PLEC: variants seen among roughly 807,000 people sequenced by gnomAD.
PLEC encodes plectin, also known as hemidesmosomal protein 1.
PLEC carries 216 observed loss-of-function variants against 392.8 expected under a neutral mutation model. The observed-to-expected ratio is 0.55, with a 90% CI of 0.49 to 0.62. PLEC has a LOEUF of 0.62. PLEC is among the 20% of genes least tolerant of loss of function. The pLI is 0.00. For missense variants in PLEC, 6,863 were observed against 6,563.4 expected (o/e 1.05, Z -1.58); for synonymous variants, 3,621 against 2,980.6 (o/e 1.21, Z -7.00).
rs377247699 is a variant in PLEC at position 143,919,096 on chromosome 8, G to A, written c.10725C>T (p.Pro3575=). 108 of 1,612,110 alleles carry A rather than the reference G, an allele frequency of 6.7e-5. No individual in the cohort carries two copies. The highest frequency in any genetic ancestry group is 8.0e-5 in the African/African-American group (6 of 75,048). The part of the protein sequence containing the change: ...RAFEETQIDI[P]GGGSHGGSTM... ...TGGAGCCGCCGTGGCTGCCGCCGCC[G>A]GGAATGTCGATCTGTGTCTCTTCAA... Residue 3575 remains proline (P), a synonymous_variant, in exon 32 of 32, where the codon CCC becomes CCT. Transcript: ENST00000345136.
rs1478314648 is a variant in PLEC, at chr8:143,919,563, G to A, written c.10258C>T (p.Pro3420Ser). The A allele has an allele frequency of 6.2e-7, 1 of 1,606,804 alleles. No homozygotes were observed. Among genetic ancestry groups the A allele is most frequent in the Non-Finnish European group, 8.5e-7 (1 of 1,178,038 alleles). The change falls in exon 32 of 32, where the codon CCC (proline) becomes TCC (serine). Residue 3420 changes from proline (P) to serine (S), a missense_variant. Physicochemically the swap from Pro to Ser is moderately conservative, Grantham distance 74. Coordinates refer to ENST00000345136, the MANE Select transcript of PLEC (RefSeq NM_201384.3). Reference sequence around the variant, plus strand: ...GACAGCAGCTGCTCGTGAAGCTCGGGGCCCACCACGCCCGCCTTCACGGCC... The same window carrying A: ...GACAGCAGCTGCTCGTGAAGCTCGGAGCCCACCACGCCCGCCTTCACGGCC... ...HEAVKAGVVG[P>S]ELHEQLLSAE...
At position 143,925,366 on chromosome 8, in the gene PLEC, C is replaced by T. The variant is rs781934865; in HGVS notation, c.4563G>A (p.Val1521=). 203 of 1,559,602 alleles carry T rather than the reference C, an allele frequency of 1.3e-4. No individual in the cohort carries two copies. The highest frequency in any genetic ancestry group is 1.7e-4 in the Non-Finnish European group (198 of 1,160,138). ...RQAEVELASR[V]KAEAEAAREK... ...CGCGCGCCGCCTCGGCCTCGGCCTTCACGCGCGAGGCCAGCTCCACCTCCG... is the reference window on the plus strand; with the variant it reads ...CGCGCGCCGCCTCGGCCTCGGCCTTTACGCGCGAGGCCAGCTCCACCTCCG... Residue 1521 remains valine, a synonymous_variant, in exon 31 of 32, where the codon GTG becomes GTA. Coordinates refer to ENST00000345136, the MANE Select transcript of PLEC (RefSeq NM_201384.3).
chr8:143,960,423 C>A (rs1469592012), intron 1 of PLEC, among the ~76,000 whole-genome samples: 2 of 151,928 alleles, frequency 1.3e-5, no homozygotes, highest in African/African-American at 2.4e-5. Context: ...TCGAGACCAG[C>A]CTGGCCAACA....
At chr8:143,970,159 T>C (rs1282051842) in intron 1 of PLEC, among the ~76,000 whole-genome samples, 4 of 152,078 alleles carry the variant, frequency 2.6e-5, no homozygotes, top group African/African-American at 4.8e-5. Flanking sequence ...TGCAGGGTGT[T>C]TGCACGGGTG....
upstream of PLEC, among the ~76,000 whole-genome samples, chr8:143,956,988 G>A (rs1445476436): frequency 6.6e-6 from 1 of 152,220 alleles, no homozygotes; most frequent in Non-Finnish European, 1.5e-5. Context: ...CAGGAAGAGA[G>A]GCCACAGGCA....
chr8:143,925,429 C>T lies in PLEC; in HGVS notation c.4500G>A (p.Arg1500=), dbSNP rs1321499198. 3.1e-6 allele frequency: 5 copies of T among 1,595,038 alleles called. No individual in the cohort carries two copies. The South Asian group carries it at 3.3e-5, about 11-fold the overall frequency. ...RQAQEEAERL[R]RQVQDESQRK... ...GCTGGCTCTCGTCCTGCACCTGCCTCCGCAAGCGCTCGGCCTCCTCCTGCG... is the reference window on the plus strand; with the variant it reads ...GCTGGCTCTCGTCCTGCACCTGCCTTCGCAAGCGCTCGGCCTCCTCCTGCG... Residue 1500 remains arginine (R), a synonymous_variant, in exon 31 of 32, where the codon CGG becomes CGA. Transcript: ENST00000345136.
chr8:143,942,328 C>T (rs1830637152), upstream of PLEC: 10 of 1,583,564 alleles, frequency 6.3e-6, no homozygotes, highest in East Asian at 2.3e-5. Context: ...AGCAGAGACC[C>T]AGCCCCACTA....
rs184102912 is a variant in PLEC, at chr8:143,923,416, C to T, written c.6513G>A (p.Lys2171=). 6.1e-4 allele frequency: 977 copies of T among 1,610,752 alleles called. 8 individuals carry two copies. In the African/African-American group the frequency reaches 0.011, roughly 19 times the overall value. The change falls in exon 31 of 32, where the codon AAG becomes AAA. Residue 2171 remains lysine, a synonymous_variant. Transcript: ENST00000345136. ...QAADAEMEKH[K]KFAEQTLRQK... is the part of the protein sequence containing the mutation. ...GCCGCAGCGTCTGCTCGGCGAATTT[C>T]TTATGCTTCTCCATCTCCGCGTCAG...
At position 143,931,606 on chromosome 8, in the gene PLEC, T is replaced by C. The variant is rs1281567238; in HGVS notation, c.2232A>G (p.Ala744=). 20 of 1,600,696 alleles carry C rather than the reference T, an allele frequency of 1.2e-5. No homozygotes were observed. Among genetic ancestry groups the C allele is most frequent in the Non-Finnish European group, 3.4e-6 (4 of 1,174,228 alleles). The change falls in exon 19 of 32, where the codon GCA becomes GCG. Residue 744 remains alanine (A), a synonymous_variant. Transcript: ENST00000345136. ...AEGQLQKLQE[A]LRRKYSCDRS... ...GATCACAACTGTATTTCCTACGCAG[T>C]GCCTCCTGCAGCTTCTGCAACTGCC...
chr8:143,969,055 T>C lies in PLEC; in HGVS notation c.70+4348A>G, dbSNP rs1554743276. On this transcript the variant is annotated intron_variant, in intron 1 of 31. Coordinates refer to the PLEC transcript ENST00000356346. This position sits in a 1 kb window ranked among gnomAD's most constrained non-coding sequence, Gnocchi z 5.1. ...ACATACGACCACACAAAAACGTGTA[T>C]GCAAACGTCCATAGCAGCCTCACTC... Among the ~76,000 whole-genome samples, 4 of 152,200 alleles carry C rather than the reference T, an allele frequency of 2.6e-5. No individual in the cohort carries two copies. Among genetic ancestry groups the C allele is most frequent in the Admixed American group, 1.3e-4 (2 of 15,276 alleles).
chr8:143,973,928 A>G (rs1224712757), upstream of PLEC, among the ~76,000 whole-genome samples: 5 of 152,188 alleles, frequency 3.3e-5, no homozygotes, highest in Non-Finnish European at 7.4e-5. This position sits in a 1 kb window ranked among gnomAD's most constrained non-coding sequence, Gnocchi z 5.6. Context: ...GGTATAAAGA[A>G]CCCTTAAAAC....
chr8:143,941,562 C>A (rs1351567977), upstream of PLEC, among the ~76,000 whole-genome samples: 1 of 152,006 alleles, frequency 6.6e-6, no homozygotes. Context: ...GGGGCTCGGT[C>A]AGGGGCCTCC....
At position 143,923,115 on chromosome 8, in the gene PLEC, TCTC is replaced by T; in HGVS notation, c.6811_6813del (p.Glu2271del). 1.2e-6 allele frequency: 2 copies of T among 1,605,012 alleles called. No individual in the cohort carries two copies. The highest frequency in any genetic ancestry group is 1.1e-5 in the South Asian group (1 of 91,072). ...GCCTCCTCCGCCACCTGCTTCATCT[TCTC>T]AGCCTCCTCCTGCAGGAAGCGCTGC... On this transcript the variant is annotated inframe_deletion, in exon 31 of 32. Transcript: ENST00000345136.
In PLEC at chr8:143,932,466, C is replaced by T. The variant is rs1554716996; in HGVS notation, c.1911G>A (p.Glu637=). The T allele has an allele frequency of 6.8e-6, 11 of 1,612,852 alleles. No homozygotes were observed. The highest frequency in any genetic ancestry group is 9.3e-6 in the Non-Finnish European group (11 of 1,180,004). ...CGCTCCAGTCGAAGCCCACCTCCTC[C>T]TCCTCCTTCTCATTCAGCCACATTA... ...KELMWLNEKE[E]EEVGFDWSDR... Residue 637 remains glutamate (E), a synonymous_variant, in exon 16 of 32, where the codon GAG becomes GAA. Transcript: ENST00000345136.
rs998595419 is a variant in PLEC, at chr8:143,962,349, C to T, written c.70+11054G>A. Among the ~76,000 whole-genome samples, 9 of 152,198 alleles carry T rather than the reference C, an allele frequency of 5.9e-5. 1 individual carries two copies. The East Asian group carries it at 1.2e-3, about 20-fold the overall frequency. ...TCTTCCCGGGTGCCTTCGGAGAAAG[C>T]GTGGACCTGCCGACACCGGATTTTT... On this transcript the variant is annotated intron_variant, in intron 1 of 31. Transcript: ENST00000356346.
At chr8:143,963,003 G>A (rs1302531136) in intron 1 of PLEC, among the ~76,000 whole-genome samples, 1 of 152,150 alleles carries the variant, frequency 6.6e-6, no homozygotes, top group Admixed American at 6.5e-5. Flanking sequence ...GCAGAGATGA[G>A]GTATGTGACT....
exon 1 of PLEC, chr8:143,950,749 G>T (rs782307038): frequency 1.9e-6 from 3 of 1,539,998 alleles, no homozygotes; most frequent in South Asian, 2.4e-5. Flanking sequence ...AAAGGCAGCA[G>T]GCAGGGTACC....
At position 143,925,340 on chromosome 8, in the gene PLEC, TCG is replaced by T. The variant is rs2131473439; in HGVS notation, c.4587_4588del (p.Lys1531AlafsTer80). ...CAGGGCCTGCAGGGCCCGCTGCTTC[TCG>T]CGCGCCGCCTCGGCCTCGGCCTTCA... On this transcript the variant is annotated frameshift_variant, in exon 31 of 32. Coordinates refer to ENST00000345136, the MANE Select transcript of PLEC (RefSeq NM_201384.3). LOFTEE classifies it high-confidence loss of function. 6.4e-7 allele frequency: 1 copy of T among 1,553,962 alleles called. No individual in the cohort carries two copies. Among genetic ancestry groups the T allele is most frequent in the East Asian group, 2.4e-5 (1 of 41,894 alleles).
chr8:143,920,658 C>A lies in PLEC; in HGVS notation c.9163G>T (p.Val3055Leu), dbSNP rs1281499416. 1.2e-6 allele frequency: 2 copies of A among 1,603,972 alleles called. No homozygotes were observed. Among genetic ancestry groups the A allele is most frequent in the African/African-American group, 2.7e-5 (2 of 74,932 alleles). ...CCGGCCTGGGCTTCCAACAGGGCCA[C>A]GGCCATGTCGGATGGCAGCAGGTCT... ...KKDLLPSDMA[V>L]ALLEAQAGTG... The change falls in exon 32 of 32, where the codon GTG becomes TTG. Residue 3055 changes from valine (V) to leucine (L), a missense_variant. Coordinates refer to ENST00000345136, the MANE Select transcript of PLEC (RefSeq NM_201384.3).
Sources: allele counts gnomAD v4.1 joint callset (sites outside exome capture counted in the v4.1 genomes callset), GRCh38; gene constraint gnomAD v4.1.1; non-coding constraint Gnocchi (gnomAD v3.1); transcripts MANE v1.5; gene names NCBI Gene and HGNC (gene_info 2026-07-23, HGNC 2026-07-21).